Variants in PRAG1 observed in about 807,000 individuals in gnomAD.
The protein encoded by PRAG1 is inactive tyrosine-protein kinase PRAG1.
In PRAG1, 110 loss-of-function variants were observed where a neutral mutation model predicts 95.6. The observed-to-expected ratio is 1.15, with a 90% CI of 0.99 to 1.35. PRAG1 has a LOEUF of 1.35. Ranked by LOEUF, PRAG1 falls within the 40% of genes most tolerant of loss-of-function variation. The pLI is 0.00. For missense variants in PRAG1, 2,554 were observed against 1,864.7 expected (o/e 1.37, Z -6.81); for synonymous variants, 1,052 against 819.4 (o/e 1.28, Z -4.85).
intron 3 of PRAG1, among the ~76,000 whole-genome samples, chr8:8,373,451 T>C (rs1450325275): frequency 6.9e-6 from 1 of 144,810 alleles, no homozygotes; most frequent in African/African-American, 2.8e-5. Context: ...TTTTATTTTC[T>C]AGATTTTTTT....
At chr8:8,328,580 ACTT>A in intron 4 of PRAG1, 119 bp from the exon 5 acceptor site, 5 of 1,118,268 alleles carry the variant, frequency 4.5e-6, no homozygotes, top group Non-Finnish European at 4.9e-6. Context: ...ATTTTATGTT[ACTT>A]CTTTTCTATT....
At chr8:8,371,173 T>C (rs1171299819) in intron 3 of PRAG1, among the ~76,000 whole-genome samples, 1 of 146,546 alleles carries the variant, frequency 6.8e-6, no homozygotes, top group Non-Finnish European at 1.5e-5. Flanking sequence ...AGCCCAAGAA[T>C]AGATTTAACC....
chr8:8,324,531 T>A (rs77937164), intron 5 of PRAG1, among the ~76,000 whole-genome samples: 1 of 148,206 alleles, frequency 6.7e-6, no homozygotes, highest in Admixed American at 6.7e-5. Context: ...GAAGGGGCGG[T>A]GGGGGAGGGA....
intron 3 of PRAG1, among the ~76,000 whole-genome samples, chr8:8,355,950 T>C (rs1322904669): frequency 3.9e-5 from 6 of 152,208 alleles, no homozygotes; most frequent in African/African-American, 1.2e-4. Context: ...GAAAACCTTC[T>C]GCACAGCAAA....
intron 4 of PRAG1, among the ~76,000 whole-genome samples, chr8:8,331,099 C>G (rs1260192616): frequency 6.6e-6 from 1 of 152,164 alleles, no homozygotes; most frequent in Non-Finnish European, 1.5e-5. Flanking sequence ...GGGGTGTGAT[C>G]AGAACCCTGG....
At chr8:8,319,735 C>T (rs913514621) in intron 5 of PRAG1, among the ~76,000 whole-genome samples, 1 of 152,062 alleles carries the variant, frequency 6.6e-6, no homozygotes, top group Non-Finnish European at 1.5e-5. Flanking sequence ...GATACAGAAT[C>T]ATGGCATGGA....
chr8:8,377,368 G>T lies in PRAG1; in HGVS notation c.1041C>A (p.Ser347Arg). The T allele has an allele frequency of 1.3e-6, 2 of 1,592,218 alleles. No homozygotes were observed. Among genetic ancestry groups the T allele is most frequent in the South Asian group, 1.1e-5 (1 of 88,352 alleles). The change falls in exon 3 of 6, where the codon AGC becomes AGA. Residue 347 changes from serine to arginine, a missense_variant. Coordinates refer to ENST00000615670, the MANE Select transcript of PRAG1 (RefSeq NM_001080826.3). ...GGCTACTGGCGCCGCTGCCGCTGCC[G>T]CTGCCGCTGCCACAAGAGAGGCCGT... ...SSDGLSCGSG[S>R]GSGSGASSPF...
At chr8:8,342,234 C>T (rs1466733881) in intron 3 of PRAG1, among the ~76,000 whole-genome samples, 2 of 146,858 alleles carry the variant, frequency 1.4e-5, no homozygotes, top group Admixed American at 1.4e-4. Context: ...TGCTCTGTTG[C>T]CCAGGCTGGA....
At chr8:8,322,070 A>T (rs55704809) in intron 5 of PRAG1, among the ~76,000 whole-genome samples, 9 of 152,162 alleles carry the variant, frequency 5.9e-5, no homozygotes, top group African/African-American at 1.4e-4. Flanking sequence ...TATCTAACAC[A>T]TATGTTTTTA....
intron 3 of PRAG1, among the ~76,000 whole-genome samples, chr8:8,372,883 C>T (rs1017942657): frequency 1.2e-4 from 18 of 152,126 alleles, no homozygotes; most frequent in African/African-American, 4.3e-4. Flanking sequence ...CCATAATGAC[C>T]TAAGGAAGCA....
At chr8:8,363,609 A>G (rs1284457406) in intron 3 of PRAG1, among the ~76,000 whole-genome samples, 1 of 152,224 alleles carries the variant, frequency 6.6e-6, no homozygotes, top group Non-Finnish European at 1.5e-5. Context: ...TCAGTTTTGT[A>G]AAATGAAAAG....
At chr8:8,383,451 C>T (rs1293751593) in intron 1 of PRAG1, among the ~76,000 whole-genome samples, 1 of 151,946 alleles carries the variant, frequency 6.6e-6, no homozygotes, top group Non-Finnish European at 1.5e-5. Flanking sequence ...TGTAGCCATG[C>T]ATGCCTGTGG....
At chr8:8,364,002 TG>T (rs1799926872) in intron 3 of PRAG1, among the ~76,000 whole-genome samples, 1 of 152,210 alleles carries the variant, frequency 6.6e-6, no homozygotes, top group African/African-American at 2.4e-5. Context: ...TCTCTAGAGA[TG>T]AATACCTGGA....
intron 4 of PRAG1, among the ~76,000 whole-genome samples, chr8:8,329,147 C>A (rs904571987): frequency 2.0e-5 from 3 of 152,054 alleles, no homozygotes; most frequent in Admixed American, 6.6e-5. Flanking sequence ...AATCCCAGCA[C>A]TTTGGGAGGC....
chr8:8,332,855 C>T (rs1239132147), intron 4 of PRAG1, among the ~76,000 whole-genome samples: 1 of 150,528 alleles, frequency 6.6e-6, no homozygotes, highest in Admixed American at 6.6e-5. Flanking sequence ...ACTATCTCTC[C>T]ATAAACATGG....
intron 3 of PRAG1, among the ~76,000 whole-genome samples, chr8:8,363,634 T>C (rs1405618766): frequency 6.6e-6 from 1 of 152,196 alleles, no homozygotes; most frequent in Admixed American, 6.5e-5. Context: ...CCCTGGAGAC[T>C]GATTTAATAT....
At position 8,376,329 on chromosome 8, in the gene PRAG1, A is replaced by AT; in HGVS notation, c.2079dup (p.Ser694IlefsTer7). 1.2e-6 allele frequency: 2 copies of AT among 1,614,126 alleles called. No homozygotes were observed. Among genetic ancestry groups the AT allele is most frequent in the Non-Finnish European group, 1.7e-6 (2 of 1,180,016 alleles). ...GGGAACTCAAAGGCAAAAGAGGCGG[A>AT]TTTGCTCATCCCGGTCCCAACTTTG... On this transcript the variant is annotated frameshift_variant, in exon 3 of 6. Coordinates refer to ENST00000615670, the MANE Select transcript of PRAG1 (RefSeq NM_001080826.3). LOFTEE classifies it high-confidence loss of function.
At chr8:8,366,361 T>TAG (rs1370164369) in intron 3 of PRAG1, among the ~76,000 whole-genome samples, 1 of 149,988 alleles carries the variant, frequency 6.7e-6, no homozygotes, top group Non-Finnish European at 1.5e-5. Flanking sequence ...TCATCCAGGC[T>TAG]AGAGTGCAAT....
In PRAG1 at chr8:8,376,980, T is replaced by C. The variant is rs750946451; in HGVS notation, c.1429A>G (p.Met477Val). ...TPQVSATITV[M>V]AAHPEEDHRT... ...TGGTCCTCTTCCGGGTGGGCCGCCA[T>C]GACTGTGATGGTGGCTGACACCTGG... Residue 477 changes from methionine (M) to valine (V), a missense_variant, in exon 3 of 6, where the codon ATG (methionine) becomes GTG (valine). Coordinates refer to ENST00000615670, the MANE Select transcript of PRAG1 (RefSeq NM_001080826.3). 26 of 1,613,560 alleles carry C rather than the reference T, an allele frequency of 1.6e-5. No individual in the cohort carries two copies. Among genetic ancestry groups the C allele is most frequent in the Non-Finnish European group, 1.9e-5 (23 of 1,179,952 alleles).
Sources: allele counts gnomAD v4.1 joint callset (sites outside exome capture counted in the v4.1 genomes callset), GRCh38; gene constraint gnomAD v4.1.1; transcripts MANE v1.5; gene names NCBI Gene and HGNC (gene_info 2026-07-23, HGNC 2026-07-21).